Variants in BCL11B observed in about 807,000 individuals in gnomAD.
BCL11B encodes the protein BCL11 transcription factor B.
A neutral mutation model predicts 49.9 loss-of-function variants in BCL11B; 8 were observed. That is an observed-to-expected ratio of 0.16 (90% CI 0.09 to 0.29). BCL11B has a LOEUF of 0.29. BCL11B is among the 10% of genes least tolerant of loss of function. The pLI, the probability that BCL11B is intolerant of heterozygous loss-of-function variation, is 1.00. For synonymous variants in BCL11B, 739 were observed against 637.4 expected, an observed-to-expected ratio of 1.16 and a Z score of -2.40; for missense variants, 1,006 against 1,351.0, an observed-to-expected ratio of 0.74 and a Z score of 4.00.
chr14:99,250,044 T>C (rs980182748), intron 2 of BCL11B, among the ~76,000 whole-genome samples: 10 of 149,830 alleles, frequency 6.7e-5, no homozygotes, highest in African/African-American at 1.5e-4. Flanking sequence ...TTTTTTTTTT[T>C]TTTTTTTTTG....
intron 1 of BCL11B, among the ~76,000 whole-genome samples, chr14:99,265,134 A>G (rs1344747967): frequency 6.6e-6 from 1 of 152,210 alleles, no homozygotes; most frequent in African/African-American, 2.4e-5. Flanking sequence ...AAGCATACTC[A>G]CGGCAGCTGG....
At chr14:99,270,891 G>C (rs959847449) in intron 1 of BCL11B, among the ~76,000 whole-genome samples, 9 of 150,718 alleles carry the variant, frequency 6.0e-5, no homozygotes, top group Non-Finnish European at 1.3e-4. Context: ...CCTCCAGCCT[G>C]CATGCCCCCT....
chr14:99,213,397 T>C lies in BCL11B; in HGVS notation c.640+17948A>G, dbSNP rs1887742011. On this transcript the variant is annotated intron_variant, in intron 3 of 3. Transcript: ENST00000357195. The surrounding 1 kb of genome is among the most constrained non-coding windows in gnomAD (Gnocchi z 5.1). ...AGCAATGAGGTATAATTGAATGGAT[T>C]AACATGAATGCGACGTTTCCCCTCC... 6.6e-6 allele frequency among the ~76,000 whole-genome samples: 1 copy of C among 152,156 alleles called. No individual in the cohort carries two copies. Among genetic ancestry groups the C allele is most frequent in the African/African-American group, 2.4e-5 (1 of 41,438 alleles).
chr14:99,197,093 A>T (rs1163657840), intron 3 of BCL11B, among the ~76,000 whole-genome samples: 1 of 152,248 alleles, frequency 6.6e-6, no homozygotes, highest in African/African-American at 2.4e-5. Flanking sequence ...GAAGGAACTG[A>T]GGCCCAACAC....
At chr14:99,263,494 G>A (rs952903347) in intron 1 of BCL11B, among the ~76,000 whole-genome samples, 1 of 152,232 alleles carries the variant, frequency 6.6e-6, no homozygotes, top group Non-Finnish European at 1.5e-5. Flanking sequence ...CTCCAGATCC[G>A]TGAAGAGGTT....
At chr14:99,270,694 C>T (rs1595091060) in intron 1 of BCL11B, among the ~76,000 whole-genome samples, 1 of 151,824 alleles carries the variant, frequency 6.6e-6, no homozygotes, top group African/African-American at 2.4e-5. Context: ...CGCTCTCCTC[C>T]GCCCGCGCCG....
At chr14:99,253,346 T>C (rs890177995) in intron 2 of BCL11B, among the ~76,000 whole-genome samples, 1 of 152,176 alleles carries the variant, frequency 6.6e-6, no homozygotes, top group Non-Finnish European at 1.5e-5. Context: ...CCTGTGATGG[T>C]GGATTTAGTC....
chr14:99,198,639 G>A (rs897219079), intron 3 of BCL11B, among the ~76,000 whole-genome samples: 13 of 152,068 alleles, frequency 8.5e-5, no homozygotes. Flanking sequence ...TGGTATGAAA[G>A]GTCTCGCGAC....
At chr14:99,261,008 C>CGT (rs756131724) in intron 1 of BCL11B, among the ~76,000 whole-genome samples, 5 of 152,206 alleles carry the variant, frequency 3.3e-5, no homozygotes, top group Non-Finnish European at 4.4e-5. Context: ...CCACTTTCAG[C>CGT]GTTGAAAGTT....
rs2139953786 is a variant in BCL11B at position 99,257,628 on chromosome 14, G to C, written c.270C>G (p.Asp90Glu). 2 of 1,613,744 alleles carry C rather than the reference G, an allele frequency of 1.2e-6. No homozygotes were observed. The highest frequency in any genetic ancestry group is 1.7e-6 in the Non-Finnish European group (2 of 1,179,710). Residue 90 changes from aspartate to glutamate, a missense_variant, in exon 2 of 4, where the codon GAC becomes GAG. By Grantham distance (45) the Asp-to-Glu change is conservative. This residue lies in a region of BCL11B where 411 missense variants were observed against 542.2 expected (regional missense o/e 0.76). Transcript: ENST00000357195. The surrounding 1 kb of genome is among the most constrained non-coding windows in gnomAD (Gnocchi z 6.2). ...QCGGSLGACYDKALDKDSPPP... is the reference protein window; with the variant it reads ...QCGGSLGACYEKALDKDSPPP... ...GCGGGCTGTCCTTGTCCAGGGCCTT[G>C]TCATAGCAGGCACCCAAGCTGCCGC...
chr14:99,267,534 G>T (rs147842225), intron 1 of BCL11B, among the ~76,000 whole-genome samples: 2 of 61,390 alleles, frequency 3.3e-5, no homozygotes, highest in Non-Finnish European at 6.3e-5. Context: ...GCAGAAGGGA[G>T]AGGAACTTCA....
intron 3 of BCL11B, among the ~76,000 whole-genome samples, chr14:99,202,195 G>A (rs902421523): frequency 1.3e-5 from 2 of 151,734 alleles, no homozygotes; most frequent in Admixed American, 6.6e-5. Flanking sequence ...TCACTATATC[G>A]CCCAGGCTGG....
At chr14:99,215,308 T>A (rs1381361849) in intron 3 of BCL11B, among the ~76,000 whole-genome samples, 2 of 152,260 alleles carry the variant, frequency 1.3e-5, no homozygotes, top group Non-Finnish European at 2.9e-5. Context: ...GCCGACTTTA[T>A]GCATCTGTTA....
intron 3 of BCL11B, among the ~76,000 whole-genome samples, chr14:99,185,632 G>A (rs2139783724): frequency 6.6e-6 from 1 of 152,132 alleles, no homozygotes; most frequent in African/African-American, 2.4e-5. Flanking sequence ...CAGGTCGGGG[G>A]AAATGGGAAA....
At chr14:99,176,377 G>C (rs2496478) in intron 3 of BCL11B, among the ~76,000 whole-genome samples, 182 bp from the exon 4 acceptor site, 6,848 of 152,290 alleles carry the variant, frequency 0.045, 228 homozygotes, top group South Asian at 0.11. Flanking sequence ...CCTGGCTGGG[G>C]GGCCGAAGAC....
chr14:99,245,317 AG>A (rs1410978550), intron 2 of BCL11B, among the ~76,000 whole-genome samples: 3 of 152,384 alleles, frequency 2.0e-5, no homozygotes, highest in African/African-American at 4.8e-5. Context: ...CTGTAATTCC[AG>A]GAGCTTCGGT....
intron 2 of BCL11B, among the ~76,000 whole-genome samples, chr14:99,235,804 C>A (rs1189936096): frequency 6.6e-6 from 1 of 151,900 alleles, no homozygotes; most frequent in African/African-American, 2.4e-5. Flanking sequence ...TGTTTTCCAA[C>A]CAGAGAAATT....
chr14:99,246,790 C>T (rs1888856015), intron 2 of BCL11B, among the ~76,000 whole-genome samples: 1 of 151,904 alleles, frequency 6.6e-6, no homozygotes, highest in African/African-American at 2.4e-5. Context: ...ATGATTTGCT[C>T]GGGATAGGCA....
In BCL11B at chr14:99,208,294, C is replaced by A. The variant is rs547173932; in HGVS notation, c.640+23051G>T. Reference sequence around the variant, plus strand: ...CCCCACTGGAAAAGCCTGGTGTGGTCACCTGGGCCACAGCCACAGGGCCTC... The same window carrying A: ...CCCCACTGGAAAAGCCTGGTGTGGTAACCTGGGCCACAGCCACAGGGCCTC... On this transcript the variant is annotated intron_variant, in intron 3 of 3. Coordinates refer to ENST00000357195, the MANE Select transcript of BCL11B (RefSeq NM_138576.4). Among the ~76,000 whole-genome samples, 4 of 152,304 alleles carry A rather than the reference C, an allele frequency of 2.6e-5. No homozygotes were observed. In the East Asian group the frequency reaches 7.7e-4, roughly 29 times the overall value.
Sources: gnomAD v4.1 joint callset for allele counts (sites outside exome capture counted in the v4.1 genomes callset) on GRCh38, gnomAD v4.1.1 for gene constraint, gnomAD v4.1.1 regional missense constraint, Gnocchi (gnomAD v3.1) non-coding constraint, MANE v1.5 for transcripts, NCBI Gene and HGNC (gene_info 2026-07-23, HGNC 2026-07-21) for gene names.